NOVA1: variants seen among roughly 807,000 people sequenced by gnomAD.
NOVA1 encodes the protein NOVA alternative splicing regulator 1, also known as RNA-binding protein Nova-1.
In NOVA1, 7 loss-of-function variants were observed where a neutral mutation model predicts 38.0. The ratio of observed to expected loss-of-function variants is 0.18; its 90% confidence interval spans 0.10 to 0.35. The LOEUF is 0.35. NOVA1 is among the 10% of genes least tolerant of loss of function. The probability of loss-of-function intolerance (pLI) is 1.00; values close to 1 mark genes in which losing one functional copy is unlikely to be tolerated. For missense variants in NOVA1, 460 were observed against 616.0 expected (o/e 0.75, Z 2.68); for synonymous variants, 270 against 232.5 (o/e 1.16, Z -1.47).
At chr14:26,520,216 T>C (rs528026032) in intron 2 of NOVA1, among the ~76,000 whole-genome samples, 7 of 152,344 alleles carry the variant, frequency 4.6e-5, no homozygotes, top group African/African-American at 1.7e-4. Context: ...GATTCACTTA[T>C]GGTGCATTTC....
chr14:26,567,445 G>A (rs370174796), intron 2 of NOVA1, among the ~76,000 whole-genome samples: 4 of 151,660 alleles, frequency 2.6e-5, no homozygotes, highest in South Asian at 2.1e-4. Flanking sequence ...ACAGGCACGC[G>A]TGACCTCACC....
intron 2 of NOVA1, among the ~76,000 whole-genome samples, chr14:26,498,187 G>A (rs1886960827): frequency 6.6e-6 from 1 of 151,746 alleles, no homozygotes; most frequent in Non-Finnish European, 1.5e-5. Flanking sequence ...AGCCTCCCGA[G>A]TAGCTGGGAC....
chr14:26,451,080 A>C (rs900473781), intron 4 of NOVA1, among the ~76,000 whole-genome samples: 3 of 152,178 alleles, frequency 2.0e-5, no homozygotes, highest in Non-Finnish European at 4.4e-5. Flanking sequence ...AAGTACAGAA[A>C]AGGATAATTA....
chr14:26,510,651 G>A (rs560191193), intron 2 of NOVA1, among the ~76,000 whole-genome samples: 1 of 152,228 alleles, frequency 6.6e-6, no homozygotes, highest in South Asian at 2.1e-4. Flanking sequence ...TCATGGTAGA[G>A]AAAGTGTTTC....
At chr14:26,479,086 A>G in intron 3 of NOVA1, 1 of 152,010 alleles carries the variant, frequency 6.6e-6, no homozygotes, top group African/African-American at 2.4e-5. Flanking sequence ...TATTACAATG[A>G]ACATGAGTAT....
At chr14:26,512,871 C>T (rs1406428932) in intron 2 of NOVA1, among the ~76,000 whole-genome samples, 1 of 151,876 alleles carries the variant, frequency 6.6e-6, no homozygotes, top group Non-Finnish European at 1.5e-5. Flanking sequence ...ATATAGTCAC[C>T]TCATGTTCAA....
At chr14:26,589,618 A>G (rs1893724797) in intron 2 of NOVA1, among the ~76,000 whole-genome samples, 1 of 151,866 alleles carries the variant, frequency 6.6e-6, no homozygotes, top group Non-Finnish European at 1.5e-5. Flanking sequence ...TGAAAAATAA[A>G]TGTTAATCTG....
At chr14:26,535,384 T>C (rs942522661) in intron 2 of NOVA1, among the ~76,000 whole-genome samples, 1 of 152,072 alleles carries the variant, frequency 6.6e-6, no homozygotes, top group Admixed American at 6.6e-5. Context: ...TAATTTTAAG[T>C]TTGTAGAGAA....
intron 4 of NOVA1, among the ~76,000 whole-genome samples, chr14:26,463,840 A>G (rs1883900671): frequency 6.6e-6 from 1 of 152,190 alleles, no homozygotes. Context: ...TCAGGTGGAC[A>G]GTCAATATAC....
intron 2 of NOVA1, among the ~76,000 whole-genome samples, chr14:26,495,379 CTGTT>C (rs1382894784): frequency 2.6e-5 from 4 of 152,184 alleles, no homozygotes; most frequent in African/African-American, 9.7e-5. Flanking sequence ...GGAACTTGGA[CTGTT>C]TTGTTCACAT....
At chr14:26,462,957 T>C (rs1267916520) in intron 4 of NOVA1, among the ~76,000 whole-genome samples, 1 of 152,196 alleles carries the variant, frequency 6.6e-6, no homozygotes, top group Non-Finnish European at 1.5e-5. Context: ...ATTTTCATAT[T>C]CCTTGTCATC....
In NOVA1 at chr14:26,486,932, A is replaced by G. The variant is rs562451162; in HGVS notation, c.281-6789T>C. On this transcript the variant is annotated intron_variant, in intron 2 of 4. Coordinates refer to ENST00000539517, the MANE Select transcript of NOVA1 (RefSeq NM_002515.3). ...ATCTTAATTTTTAAAACTAAAACAC[A>G]AAGTATCCTTTCAACAGACTATGTT... Among the ~76,000 whole-genome samples, 19 of 152,216 alleles carry G rather than the reference A, an allele frequency of 1.2e-4. No homozygotes were observed. In the South Asian group the frequency reaches 3.5e-3, roughly 28 times the overall value.
In NOVA1 at chr14:26,448,561, T is replaced by C; in HGVS notation, c.922A>G (p.Thr308Ala). The C allele has an allele frequency of 6.2e-7, 1 of 1,614,196 alleles. No homozygotes were observed. The highest frequency in any genetic ancestry group is 8.5e-7 in the Non-Finnish European group (1 of 1,180,036). Reference protein sequence around the residue: ...AAFPAVLSGFTGNDLVAITSA... With the variant: ...AAFPAVLSGFAGNDLVAITSA... Reference sequence around the variant, plus strand: ...GTGATGGCCACCAGGTCATTGCCTGTGAAGCCAGATAAAACTGCTGGAAAG... The same window carrying C: ...GTGATGGCCACCAGGTCATTGCCTGCGAAGCCAGATAAAACTGCTGGAAAG... The change falls in exon 5 of 5, where the codon ACA (threonine) becomes GCA (alanine). Residue 308 changes from threonine to alanine, a missense_variant. Transcript: ENST00000539517. The surrounding 1 kb of genome is among the most constrained non-coding windows in gnomAD (Gnocchi z 5.3).
intron 2 of NOVA1, among the ~76,000 whole-genome samples, chr14:26,528,161 T>C (rs972637079): frequency 6.6e-6 from 1 of 152,158 alleles, no homozygotes; most frequent in African/African-American, 2.4e-5. Context: ...CTTCCTCACA[T>C]ACTGTATCCC....
intron 2 of NOVA1, among the ~76,000 whole-genome samples, chr14:26,499,488 T>C (rs1183621252): frequency 6.6e-6 from 1 of 152,150 alleles, no homozygotes; most frequent in African/African-American, 2.4e-5. Flanking sequence ...TTTTATGCTA[T>C]AGGCTACTGT....
At position 26,597,811 on chromosome 14, in the gene NOVA1, G is replaced by T; in HGVS notation, c.-375C>A. 2.2e-6 allele frequency: 1 copy of T among 461,122 alleles called. No homozygotes were observed. Among genetic ancestry groups the T allele is most frequent in the Non-Finnish European group, 2.9e-6 (1 of 346,706 alleles). 28.6% of individuals were successfully genotyped at this position (461,122 alleles called of 1,614,324 possible). On this transcript the variant is annotated 5_prime_UTR_variant, in exon 1 of 5. Transcript: ENST00000539517. ...GGGAGGACAGGCAGAGGGAGTGGGA[G>T]AGCGCGAGGGCTGGCGGGGCGCGGG...
intron 2 of NOVA1, among the ~76,000 whole-genome samples, chr14:26,577,226 T>C (rs1892913206): frequency 6.6e-6 from 1 of 152,084 alleles, no homozygotes; most frequent in Admixed American, 6.5e-5. Flanking sequence ...ATGATACATA[T>C]TCATGCTTAT....
At chr14:26,494,669 A>T (rs906860692) in intron 2 of NOVA1, among the ~76,000 whole-genome samples, 14 of 152,256 alleles carry the variant, frequency 9.2e-5, no homozygotes, top group Non-Finnish European at 2.1e-4. Flanking sequence ...TCCCAGGATG[A>T]TGTTCATTTA....
chr14:26,483,718 GAAC>G (rs1201284598), intron 2 of NOVA1, among the ~76,000 whole-genome samples: 3 of 152,152 alleles, frequency 2.0e-5, no homozygotes, highest in South Asian at 2.1e-4. Flanking sequence ...ACTGAAAACA[GAAC>G]AATAAACGAT....
Sources: allele counts gnomAD v4.1 joint callset (sites outside exome capture counted in the v4.1 genomes callset), GRCh38; gene constraint gnomAD v4.1.1; non-coding constraint Gnocchi (gnomAD v3.1); transcripts MANE v1.5; gene names NCBI Gene and HGNC (gene_info 2026-07-23, HGNC 2026-07-21).